Variants in LUZP2 observed in about 807,000 individuals in gnomAD.
The protein encoded by LUZP2 is leucine zipper protein 2.
A neutral mutation model predicts 51.6 loss-of-function variants in LUZP2; 52 were observed. The observed-to-expected ratio is 1.01, with a 90% CI of 0.81 to 1.27. LUZP2 has a LOEUF of 1.27. LUZP2 is among the 50% of genes most tolerant of loss of function. The pLI is 0.00. For missense variants in LUZP2, 436 were observed against 395.4 expected (o/e 1.10, Z -0.87); for synonymous variants, 154 against 137.3 (o/e 1.12, Z -0.85).
At chr11:24,544,818 G>A (rs1851488607) in intron 1 of LUZP2, among the ~76,000 whole-genome samples, 1 of 152,072 alleles carries the variant, frequency 6.6e-6, no homozygotes, top group Admixed American at 6.6e-5. Context: ...GGGATTGCTA[G>A]GTCAAATGGT....
At chr11:24,882,616 T>C (rs116953350) in intron 5 of LUZP2, among the ~76,000 whole-genome samples, 4 of 152,074 alleles carry the variant, frequency 2.6e-5, no homozygotes, top group Middle Eastern at 6.8e-3. Flanking sequence ...CCTTCCTCCC[T>C]CTTAACCTTC....
intron 1 of LUZP2, among the ~76,000 whole-genome samples, chr11:24,559,069 G>A (rs1372750504): frequency 6.6e-6 from 1 of 152,084 alleles, no homozygotes; most frequent in Non-Finnish European, 1.5e-5. Flanking sequence ...TAAATAACTG[G>A]CTGAGCATAT....
intron 4 of LUZP2, among the ~76,000 whole-genome samples, chr11:24,758,015 G>A (rs982658702): frequency 2.0e-5 from 3 of 151,954 alleles, no homozygotes; most frequent in African/African-American, 7.2e-5. Context: ...ATAAATGCAA[G>A]TATTTTGTGG....
intron 1 of LUZP2, among the ~76,000 whole-genome samples, chr11:24,711,475 A>AAAT (rs1045060824): frequency 6.6e-6 from 1 of 151,316 alleles, no homozygotes; most frequent in African/African-American, 2.4e-5. Flanking sequence ...ATAAATAAAT[A>AAAT]AATAAATAAA....
intron 1 of LUZP2, among the ~76,000 whole-genome samples, chr11:24,565,659 A>T (rs1262218254): frequency 6.6e-6 from 1 of 152,190 alleles, no homozygotes; most frequent in Non-Finnish European, 1.5e-5. Flanking sequence ...TAAATGACCA[A>T]ACTGATAATA....
At chr11:24,977,115 A>G (rs975146548) in intron 8 of LUZP2, among the ~76,000 whole-genome samples, 2 of 151,794 alleles carry the variant, frequency 1.3e-5, no homozygotes, top group African/African-American at 2.4e-5. Flanking sequence ...CATGCACAAG[A>G]ACACTGAATA....
At chr11:24,866,105 G>A (rs993251800) in intron 5 of LUZP2, among the ~76,000 whole-genome samples, 3 of 139,814 alleles carry the variant, frequency 2.1e-5, no homozygotes, top group African/African-American at 5.5e-5. Flanking sequence ...CTCCCGGCCT[G>A]CATTTCATAC....
intron 9 of LUZP2, among the ~76,000 whole-genome samples, chr11:24,999,409 GAGAAGA>G (rs34670762): frequency 1.3e-4 from 19 of 150,280 alleles, no homozygotes; most frequent in African/African-American, 3.9e-4. Context: ...GAGGAGGAAG[GAGAAGA>G]AGAAGGAGGA....
chr11:25,074,819 GA>G (rs993790958), intron 10 of LUZP2, among the ~76,000 whole-genome samples: 1 of 152,130 alleles, frequency 6.6e-6, no homozygotes, highest in African/African-American at 2.4e-5. Flanking sequence ...CACCTCCTGT[GA>G]TTATGTGATC....
chr11:24,668,504 T>C (rs1856291295), intron 1 of LUZP2, among the ~76,000 whole-genome samples: 1 of 152,288 alleles, frequency 6.6e-6, no homozygotes, highest in Admixed American at 6.5e-5. Flanking sequence ...GTAAAGAGAA[T>C]ACCATTTTAC....
chr11:25,071,584 C>A (rs1859159457), intron 10 of LUZP2, among the ~76,000 whole-genome samples: 1 of 151,636 alleles, frequency 6.6e-6, no homozygotes, highest in Non-Finnish European at 1.5e-5. Flanking sequence ...TCTAGTTTTT[C>A]TCTTTGGGGT....
intron 1 of LUZP2, among the ~76,000 whole-genome samples, chr11:24,595,786 A>G (rs1853424714): frequency 6.6e-6 from 1 of 152,154 alleles, no homozygotes; most frequent in Non-Finnish European, 1.5e-5. Context: ...AGTGAGACTG[A>G]CACTGAAATT....
rs569654327 is a variant in LUZP2, at chr11:24,815,258, T to A, written c.396+51950T>A. Among the ~76,000 whole-genome samples, 11 of 152,334 alleles carry A rather than the reference T, an allele frequency of 7.2e-5. 1 individual carries two copies. The highest frequency in any genetic ancestry group is 3.9e-4 in the Admixed American group (6 of 15,306). Reference sequence around the variant, plus strand: ...AATGCAAATTTATTACAAATTTAAATAACAGTACTGTGAATGAATCATCTA... The same window carrying A: ...AATGCAAATTTATTACAAATTTAAAAAACAGTACTGTGAATGAATCATCTA... On this transcript the variant is annotated intron_variant, in intron 5 of 11. Coordinates refer to ENST00000336930, the MANE Select transcript of LUZP2 (RefSeq NM_001009909.4).
At chr11:25,030,372 T>C (rs1857609081) in intron 9 of LUZP2, among the ~76,000 whole-genome samples, 1 of 152,152 alleles carries the variant, frequency 6.6e-6, no homozygotes, top group Non-Finnish European at 1.5e-5. Context: ...CAGCTTTTGC[T>C]CTTATTAGCA....
chr11:24,549,719 G>A (rs1048270072), intron 1 of LUZP2, among the ~76,000 whole-genome samples: 4 of 151,954 alleles, frequency 2.6e-5, no homozygotes, highest in Non-Finnish European at 5.9e-5. Context: ...GACTACCATC[G>A]TATATTCCAT....
At chr11:24,584,426 C>A (rs2133828560) in intron 1 of LUZP2, among the ~76,000 whole-genome samples, 1 of 152,238 alleles carries the variant, frequency 6.6e-6, no homozygotes, top group South Asian at 2.1e-4. Flanking sequence ...CCATTTATTT[C>A]TGTTCACCAA....
At chr11:24,961,309 T>A (rs548015445) in intron 7 of LUZP2, among the ~76,000 whole-genome samples, 28 of 152,312 alleles carry the variant, frequency 1.8e-4, no homozygotes, top group African/African-American at 6.7e-4. Flanking sequence ...TCTTGTTAAC[T>A]TTTTGTCTTG....
intron 7 of LUZP2, among the ~76,000 whole-genome samples, chr11:24,948,817 TATCTATC>T (rs1284868023): frequency 1.6e-5 from 1 of 61,160 alleles, no homozygotes; most frequent in African/African-American, 3.3e-5. Flanking sequence ...TCTATCTATC[TATCTATC>T]ATCTATCTAT....
chr11:24,806,967 T>C (rs2134127985), intron 5 of LUZP2, among the ~76,000 whole-genome samples: 1 of 145,750 alleles, frequency 6.9e-6, no homozygotes, highest in South Asian at 2.2e-4. Context: ...TTAACATTTT[T>C]ATTAATCACA....
Sources: gnomAD v4.1 joint callset for allele counts (sites outside exome capture counted in the v4.1 genomes callset) on GRCh38, gnomAD v4.1.1 for gene constraint, MANE v1.5 for transcripts, NCBI Gene and HGNC (gene_info 2026-07-23, HGNC 2026-07-21) for gene names.